IRAK2: variants seen among roughly 807,000 people sequenced by gnomAD.
IRAK2 encodes interleukin-1 receptor-associated kinase-like 2.
Under a neutral mutation model 72.0 loss-of-function variants are expected in IRAK2, and 57 were observed. That is an observed-to-expected ratio of 0.79 (90% CI 0.64 to 0.99). The LOEUF (loss-of-function observed/expected upper bound fraction) is 0.99. Among genes scored for constraint, IRAK2 ranks in the 50% least tolerant of loss-of-function variants. IRAK2 has a pLI of 0.00. For synonymous variants in IRAK2, 293 were observed against 312.7 expected, an observed-to-expected ratio of 0.94 and a Z score of 0.67; for missense variants, 790 against 794.4, an observed-to-expected ratio of 0.99 and a Z score of 0.07.
chr3:10,189,633 C>CT (rs1262250261), intron 2 of IRAK2, among the ~76,000 whole-genome samples: 1 of 152,242 alleles, frequency 6.6e-6, no homozygotes, highest in African/African-American at 2.4e-5. Context: ...GGTTGTGCAA[C>CT]TCTTGACAGT....
At position 10,222,729 on chromosome 3, in the gene IRAK2, G is replaced by T; in HGVS notation, c.1107G>T (p.Met369Ile). 6.2e-7 allele frequency: 1 copy of T among 1,614,142 alleles called. No homozygotes were observed. The highest frequency in any genetic ancestry group is 1.1e-5 in the South Asian group (1 of 91,078). ...CPVNKRSKYT[M>I]MKTHLLRTSA... ...TCAACAAAAGGTCAAAATACACCATGATGAAGACTCACCTGCTCCGGACGT... is the reference window on the plus strand; with the variant it reads ...TCAACAAAAGGTCAAAATACACCATTATGAAGACTCACCTGCTCCGGACGT... Residue 369 changes from methionine to isoleucine, a missense_variant, in exon 9 of 13, where the codon ATG (methionine) becomes ATT (isoleucine). Physicochemically the swap from Met to Ile is conservative, Grantham distance 10. Coordinates refer to ENST00000256458, the MANE Select transcript of IRAK2 (RefSeq NM_001570.4).
At chr3:10,223,568 G>A (rs1382344293) in intron 9 of IRAK2, among the ~76,000 whole-genome samples, 2 of 152,238 alleles carry the variant, frequency 1.3e-5, no homozygotes, top group African/African-American at 4.8e-5. Context: ...AGTCAAGCAG[G>A]TTTCTTTACC....
rs371686315 is a variant in IRAK2 at position 10,188,952 on chromosome 3, C to T, written c.277+10932C>T. Reference sequence around the variant, plus strand: ...TTGGGATTATAGGCATGAGCCACTGCGCCTGGCCTAAAAATACATTTGCTG... The same window carrying T: ...TTGGGATTATAGGCATGAGCCACTGTGCCTGGCCTAAAAATACATTTGCTG... On this transcript the variant is annotated intron_variant, in intron 2 of 12. Coordinates refer to ENST00000256458, the MANE Select transcript of IRAK2 (RefSeq NM_001570.4). Among the ~76,000 whole-genome samples the T allele has an allele frequency of 5.9e-5, 9 of 152,234 alleles. No homozygotes were observed. In the South Asian group the frequency reaches 1.0e-3, roughly 17 times the overall value.
intron 2 of IRAK2, among the ~76,000 whole-genome samples, chr3:10,191,482 C>A (rs1330718737): frequency 6.6e-6 from 1 of 152,198 alleles, no homozygotes; most frequent in Non-Finnish European, 1.5e-5. Flanking sequence ...CATGGTCTAC[C>A]TTTGCCCGGC....
At chr3:10,204,400 C>T (rs891924977) in intron 3 of IRAK2, among the ~76,000 whole-genome samples, 41 of 152,138 alleles carry the variant, frequency 2.7e-4, no homozygotes, top group Admixed American at 2.5e-3. Context: ...GATACAGTGC[C>T]GCTGCTTCTG....
intron 3 of IRAK2, among the ~76,000 whole-genome samples, chr3:10,201,894 C>T (rs1697366091): frequency 6.6e-6 from 1 of 152,208 alleles, no homozygotes; most frequent in African/African-American, 2.4e-5. Context: ...ATTAGACAGA[C>T]TCATATTTGA....
chr3:10,224,504 T>C (rs1385496198), intron 9 of IRAK2, among the ~76,000 whole-genome samples: 1 of 146,456 alleles, frequency 6.8e-6, no homozygotes, highest in Non-Finnish European at 1.5e-5. Flanking sequence ...GGATAATGTA[T>C]ATAAGCAGGT....
intron 2 of IRAK2, among the ~76,000 whole-genome samples, chr3:10,198,967 T>TAG (rs1050474168): frequency 2.0e-5 from 3 of 152,132 alleles, no homozygotes; most frequent in African/African-American, 7.2e-5. Context: ...TGCAGGGCTA[T>TAG]AGCATCAGGT....
chr3:10,242,436 C>G lies in IRAK2; in HGVS notation c.*208C>G. On this transcript the variant is annotated 3_prime_UTR_variant, in exon 13 of 13. Coordinates refer to ENST00000256458, the MANE Select transcript of IRAK2 (RefSeq NM_001570.4). ...AGAGACACAAAAATCCATGAAGTCTCTTCCTTTCTGGGCTTTGTTAGTCAG... is the reference window on the plus strand; with the variant it reads ...AGAGACACAAAAATCCATGAAGTCTGTTCCTTTCTGGGCTTTGTTAGTCAG... 1 of 383,522 alleles carries G rather than the reference C, an allele frequency of 2.6e-6. No homozygotes were observed. The highest frequency in any genetic ancestry group is 4.7e-6 in the Non-Finnish European group (1 of 212,168). 23.8% of individuals were successfully genotyped at this position (383,522 alleles called of 1,614,324 possible).
At position 10,219,751 on chromosome 3, in the gene IRAK2, C is replaced by T; in HGVS notation, c.975C>T (p.Tyr325=). 6.2e-7 allele frequency: 1 copy of T among 1,613,722 alleles called. No individual in the cohort carries two copies. The highest frequency in any genetic ancestry group is 1.3e-5 in the African/African-American group (1 of 74,912). Residue 325 remains tyrosine (Y), a synonymous_variant, in exon 8 of 13, where the codon TAC becomes TAT. Transcript: ENST00000256458. ...ICSGLLCAVE[Y]LHGLEIIHSN... ...CAGGGCTGCTCTGTGCCGTCGAGTACCTGCATGGTCTGGAGATCATCCACA... is the reference window on the plus strand; with the variant it reads ...CAGGGCTGCTCTGTGCCGTCGAGTATCTGCATGGTCTGGAGATCATCCACA...
intron 2 of IRAK2, among the ~76,000 whole-genome samples, chr3:10,192,739 C>G (rs142679970): frequency 2.6e-4 from 39 of 152,172 alleles, no homozygotes; most frequent in African/African-American, 8.9e-4. Context: ...GCCAATATGG[C>G]AAAACCCCGT....
Position 10,177,982 on chromosome 3 carries a change from G to T in IRAK2, c.239G>T (p.Arg80Leu), listed in dbSNP as rs760677251. Residue 80 changes from arginine (R) to leucine (L), a missense_variant, in exon 2 of 13, where the codon CGC (arginine) becomes CTC (leucine). By Grantham distance (102) the Arg-to-Leu change is moderately radical. Coordinates refer to ENST00000256458, the MANE Select transcript of IRAK2 (RefSeq NM_001570.4). ...TVQQLVDLLC[R>L]LELYRAAQII... Reference sequence around the variant, plus strand: ...CAGCAACTTGTGGACCTCCTGTGCCGCCTGGAGCTCTACCGGGCTGCCCAG... The same window carrying T: ...CAGCAACTTGTGGACCTCCTGTGCCTCCTGGAGCTCTACCGGGCTGCCCAG... 1.2e-6 allele frequency: 2 copies of T among 1,612,996 alleles called. No individual in the cohort carries two copies. Among genetic ancestry groups the T allele is most frequent in the Admixed American group, 3.3e-5 (2 of 59,978 alleles).
chr3:10,190,664 A>C (rs1435613961), intron 2 of IRAK2, among the ~76,000 whole-genome samples: 2 of 152,258 alleles, frequency 1.3e-5, no homozygotes, highest in East Asian at 3.9e-4. Context: ...ACCATCCTTT[A>C]TTGAACTCCT....
At chr3:10,209,755 A>C in intron 4 of IRAK2, 63 bp downstream of exon 4, 1 of 1,039,554 alleles carries the variant, frequency 9.6e-7, no homozygotes, top group Non-Finnish European at 1.3e-6. Context: ...TCCCTCTCAA[A>C]AATGCAATTT....
At position 10,217,014 on chromosome 3, in the gene IRAK2, C is replaced by T. The variant is rs144811974; in HGVS notation, c.869C>T (p.Ala290Val). The T allele has an allele frequency of 6.3e-5, 102 of 1,613,822 alleles. No individual in the cohort carries two copies. The highest frequency in any genetic ancestry group is 1.1e-5 in the Non-Finnish European group (13 of 1,179,852). The change falls in exon 7 of 13, where the codon GCA (alanine) becomes GTA (valine). Residue 290 changes from alanine (A) to valine (V), a missense_variant. By Grantham distance (64) the Ala-to-Val change is moderately conservative. Transcript: ENST00000256458. ...CACAGCTTCATCTACCCCTACATGG[C>T]AAATGGTTCCCTACAGGACAGACTG... is the stretch of plus-strand genomic sequence containing the variant. ...QFHSFIYPYM[A>V]NGSLQDRLQG... is the part of the protein sequence containing the mutation.
chr3:10,201,649 G>A (rs696320), intron 3 of IRAK2, among the ~76,000 whole-genome samples: 9,916 of 152,342 alleles, frequency 0.065, 499 homozygotes, highest in East Asian at 0.18. Context: ...CTCAGGGACA[G>A]TTTCCAAATG....
At chr3:10,178,082 T>A in intron 2 of IRAK2, 62 bp downstream of exon 2, 1 of 1,330,468 alleles carries the variant, frequency 7.5e-7, no homozygotes, top group Non-Finnish European at 1.0e-6. Context: ...TTTCCATCCG[T>A]GTGAGTTGCA....
Position 10,200,450 on chromosome 3 carries a change from T to C in IRAK2, c.359T>C (p.Val120Ala). ...CCAGAAAAGCCTTTGGCAGCTTCTGTAAGAAAGGCTGAGGATGAACAGGAA... is the reference window on the plus strand; with the variant it reads ...CCAGAAAAGCCTTTGGCAGCTTCTGCAAGAAAGGCTGAGGATGAACAGGAA... ...VKPEKPLAAS[V>A]RKAEDEQEEG... is the part of the protein sequence containing the mutation. Residue 120 changes from valine to alanine, a missense_variant, in exon 3 of 13, where the codon GTA (valine) becomes GCA (alanine). By Grantham distance (64) the Val-to-Ala change is moderately conservative. Coordinates refer to ENST00000256458, the MANE Select transcript of IRAK2 (RefSeq NM_001570.4). The C allele has an allele frequency of 6.2e-7, 1 of 1,608,766 alleles. No individual in the cohort carries two copies. Among genetic ancestry groups the C allele is most frequent in the Non-Finnish European group, 8.5e-7 (1 of 1,175,610 alleles).
chr3:10,165,721 A>ATTTTT lies in IRAK2; in HGVS notation c.94+696_94+700dup, dbSNP rs34176794. 3.6e-4 allele frequency among the ~76,000 whole-genome samples: 28 copies of ATTTTT among 76,776 alleles called. 1 individual carries two copies. The highest frequency in any genetic ancestry group is 1.4e-3 in the African/African-American group (28 of 19,862). The allele number at this position is 76,776 out of a possible 152,430, so 50.4% of individuals were successfully genotyped here. ...ATGTTGGCCAGACTGGTCTTGAACT[A>ATTTTT]TTTTTTTTTTTTTTTTTTTTTTTTT... On this transcript the variant is annotated intron_variant, in intron 1 of 12. Transcript: ENST00000256458.
Sources: gnomAD v4.1 joint callset for allele counts (sites outside exome capture counted in the v4.1 genomes callset) on GRCh38, gnomAD v4.1.1 for gene constraint, MANE v1.5 for transcripts, NCBI Gene and HGNC (gene_info 2026-07-23, HGNC 2026-07-21) for gene names.